The following SHANK2 variants were observed in gnomAD, a reference collection of about 807,000 sequenced individuals.
SHANK2 encodes SH3 and multiple ankyrin repeat domains protein 2.
Under a neutral mutation model 133.7 loss-of-function variants are expected in SHANK2, and 43 were observed. That is an observed-to-expected ratio of 0.32 (90% CI 0.25 to 0.41). The LOEUF (loss-of-function observed/expected upper bound fraction) is 0.41, where lower values mean the gene tolerates loss of function less well. SHANK2 is among the 10% of genes least tolerant of loss of function. The probability of loss-of-function intolerance (pLI) is 1.00; values close to 1 mark genes in which losing one functional copy is unlikely to be tolerated. For synonymous variants in SHANK2, 1,017 were observed against 952.8 expected (o/e 1.07, Z -1.24); for missense variants, 1,994 against 2,235.8 (o/e 0.89, Z 2.18).
chr11:70,702,418 T>G (rs1456270910), intron 14 of SHANK2, among the ~76,000 whole-genome samples: 10 of 151,258 alleles, frequency 6.6e-5, no homozygotes, highest in African/African-American at 2.4e-4. Flanking sequence ...ACCATCATCA[T>G]CATCACCACC....
intron 8 of SHANK2, among the ~76,000 whole-genome samples, chr11:71,088,765 A>G (rs878875873): frequency 4.1e-3 from 459 of 111,984 alleles, no homozygotes; most frequent in Middle Eastern, 6.1e-3. Context: ...GCCGCCCCTC[A>G]TCCTGAACTT....
At chr11:70,499,759 G>T (rs546884534) in intron 21 of SHANK2, among the ~76,000 whole-genome samples, 2 of 152,190 alleles carry the variant, frequency 1.3e-5, no homozygotes, top group Non-Finnish European at 2.9e-5. Flanking sequence ...TGCAAGCCCG[G>T]GGCTGCTGCA....
intron 9 of SHANK2, among the ~76,000 whole-genome samples, chr11:71,070,302 G>C (rs1012883923): frequency 6.6e-6 from 1 of 152,192 alleles, no homozygotes; most frequent in Non-Finnish European, 1.5e-5. Flanking sequence ...CACGAAGCTG[G>C]ATCCTAGACC....
rs533632192 is a variant in SHANK2 at position 71,176,781 on chromosome 11, G to A, written c.-12-29443C>T. Among the ~76,000 whole-genome samples, 11 of 152,088 alleles carry A rather than the reference G, an allele frequency of 7.2e-5. No individual in the cohort carries two copies. In the Middle Eastern group the frequency reaches 0.01, roughly 141 times the overall value. On this transcript the variant is annotated intron_variant, in intron 2 of 25. Coordinates refer to ENST00000601538, the MANE Select transcript of SHANK2 (RefSeq NM_012309.5). ...AGTTGGAGTTTCTAAAAAAAAAGAGGGGGGAACAGAACAAATATTTCTATT... is the reference window on the plus strand; with the variant it reads ...AGTTGGAGTTTCTAAAAAAAAAGAGAGGGGAACAGAACAAATATTTCTATT...
intron 9 of SHANK2, among the ~76,000 whole-genome samples, chr11:71,058,188 C>G (rs1309791925): frequency 6.6e-6 from 1 of 152,224 alleles, no homozygotes; most frequent in Non-Finnish European, 1.5e-5. Flanking sequence ...AGCCACTGCA[C>G]CCAGCCTCTT....
intron 10 of SHANK2, among the ~76,000 whole-genome samples, chr11:70,935,585 A>C (rs1950560524): frequency 6.6e-6 from 1 of 152,170 alleles, no homozygotes; most frequent in South Asian, 2.1e-4. Flanking sequence ...AACCGAGTCT[A>C]TTCTGGCCTG....
At chr11:70,554,473 T>C (rs2059804964) in intron 17 of SHANK2, among the ~76,000 whole-genome samples, 1 of 151,200 alleles carries the variant, frequency 6.6e-6, no homozygotes, top group Non-Finnish European at 1.5e-5. Flanking sequence ...AACAAAGACT[T>C]TATATTTTGG....
intron 2 of SHANK2, among the ~76,000 whole-genome samples, chr11:71,203,228 C>A (rs1214775922): frequency 3.9e-5 from 6 of 152,126 alleles, no homozygotes; most frequent in African/African-American, 1.4e-4. Flanking sequence ...GAGGAGGCAG[C>A]GAACCTTTGC....
At chr11:70,496,156 A>G (rs373242242) in intron 21 of SHANK2, among the ~76,000 whole-genome samples, 2 of 152,130 alleles carry the variant, frequency 1.3e-5, no homozygotes, top group African/African-American at 4.8e-5. Flanking sequence ...GGCTGTGGCC[A>G]GGCTCTGCTG....
At chr11:70,910,664 G>A (rs1034590525) in intron 10 of SHANK2, among the ~76,000 whole-genome samples, 4 of 152,028 alleles carry the variant, frequency 2.6e-5, no homozygotes, top group South Asian at 4.2e-4. Context: ...AAAATTAGCC[G>A]GGCATGGTGG....
chr11:70,582,808 C>CA (rs1216119451), intron 17 of SHANK2, among the ~76,000 whole-genome samples: 1 of 152,218 alleles, frequency 6.6e-6, no homozygotes, highest in African/African-American at 2.4e-5. Context: ...GGGCTTTAGA[C>CA]AAATGTAGAC....
At chr11:70,539,406 C>T (rs1369588281) in intron 17 of SHANK2, among the ~76,000 whole-genome samples, 5 of 151,910 alleles carry the variant, frequency 3.3e-5, no homozygotes, top group African/African-American at 2.4e-5. Context: ...GGCCAGACTC[C>T]GAGTCGGGGT....
Position 70,887,146 on chromosome 11 carries a change from C to T in SHANK2, c.1174+9355G>A, listed in dbSNP as rs1000968. The stretch of plus-strand genomic sequence containing the variant: ...ACGACTGTTTCAGATGCGGGCTCCC[C>T]GGCACCCGGACAGTCTTGCTATTTG... On this transcript the variant is annotated intron_variant, in intron 11 of 25. Coordinates refer to ENST00000601538, the MANE Select transcript of SHANK2 (RefSeq NM_012309.5). Among the ~76,000 whole-genome samples, 4 of 152,114 alleles carry T rather than the reference C, an allele frequency of 2.6e-5. No homozygotes were observed. In the East Asian group the frequency reaches 7.7e-4, roughly 29 times the overall value.
At chr11:70,837,124 T>C (rs554546552) in intron 11 of SHANK2, among the ~76,000 whole-genome samples, 116 of 152,282 alleles carry the variant, frequency 7.6e-4, no homozygotes, top group African/African-American at 2.6e-3. Flanking sequence ...TCGAGAAAAA[T>C]GTTTCTGTCG....
chr11:70,766,870 C>T (rs1947134098), intron 14 of SHANK2, among the ~76,000 whole-genome samples: 1 of 152,218 alleles, frequency 6.6e-6, no homozygotes, highest in South Asian at 2.1e-4. Context: ...AAATGACAAG[C>T]AATTTTTAAA....
chr11:71,212,067 C>T (rs1350605281), intron 2 of SHANK2, among the ~76,000 whole-genome samples: 1 of 152,194 alleles, frequency 6.6e-6, no homozygotes, highest in Non-Finnish European at 1.5e-5. Context: ...TGAAAAAATT[C>T]TTCCTAGATG....
At chr11:71,118,694 A>G (rs1555100831) in intron 4 of SHANK2, 135 bp downstream of exon 4, 2 of 784,132 alleles carry the variant, frequency 2.6e-6, no homozygotes, top group African/African-American at 3.5e-5. Flanking sequence ...AAGACCCCAG[A>G]CTGATTTTTA....
chr11:70,494,051 A>G (rs971333022), intron 21 of SHANK2, among the ~76,000 whole-genome samples: 3 of 152,222 alleles, frequency 2.0e-5, no homozygotes, highest in Non-Finnish European at 4.4e-5. Flanking sequence ...CAAAGGCATC[A>G]GGCTCCTGAC....
At chr11:70,941,242 A>G (rs1302504900) in intron 10 of SHANK2, among the ~76,000 whole-genome samples, 2 of 152,126 alleles carry the variant, frequency 1.3e-5, no homozygotes, top group African/African-American at 4.8e-5. Context: ...CCTGAGTTCT[A>G]TCTATTCATG....
Sources: gnomAD v4.1 joint callset for allele counts (sites outside exome capture counted in the v4.1 genomes callset) on GRCh38, gnomAD v4.1.1 for gene constraint, MANE v1.5 for transcripts, NCBI Gene and HGNC (gene_info 2026-07-23, HGNC 2026-07-21) for gene names.